Variants in BCL2 observed in about 807,000 individuals in gnomAD.
BCL2 encodes apoptosis regulator Bcl-2.
A neutral mutation model predicts 14.2 loss-of-function variants in BCL2; 1 was observed. The ratio of observed to expected loss-of-function variants is 0.07; its 90% CI spans 0.02 to 0.33. BCL2 has a LOEUF of 0.33. Among genes scored for constraint, BCL2 ranks in the 10% least tolerant of loss-of-function variants. BCL2 has a pLI of 0.99. For synonymous variants in BCL2, 151 were observed against 137.2 expected, an observed-to-expected ratio of 1.10 and a Z score of -0.70; for missense variants, 247 against 305.9, an observed-to-expected ratio of 0.81 and a Z score of 1.44.
chr18:63,156,796 C>T (rs189202522), intron 2 of BCL2, among the ~76,000 whole-genome samples: 3 of 152,222 alleles, frequency 2.0e-5, no homozygotes, highest in African/African-American at 7.2e-5. Context: ...GGGGACTCCA[C>T]ACCCAAAGCC....
chr18:63,163,431 C>T (rs1914971196), intron 2 of BCL2, among the ~76,000 whole-genome samples: 1 of 152,164 alleles, frequency 6.6e-6, no homozygotes, highest in Non-Finnish European at 1.5e-5. Context: ...ATATTTCACT[C>T]CTATTGGCCC....
intron 2 of BCL2, among the ~76,000 whole-genome samples, chr18:63,193,112 G>A (rs1232877017): frequency 6.6e-6 from 1 of 152,188 alleles, no homozygotes; most frequent in Non-Finnish European, 1.5e-5. Flanking sequence ...ACATGTTACT[G>A]TGGTCATCAA....
chr18:63,197,269 A>G (rs1909470347), intron 2 of BCL2, among the ~76,000 whole-genome samples: 1 of 152,180 alleles, frequency 6.6e-6, no homozygotes, highest in East Asian at 1.9e-4. Flanking sequence ...CCACTGACAA[A>G]TCGTTCACTT....
At chr18:63,141,015 G>C (rs1030282619) in intron 2 of BCL2, among the ~76,000 whole-genome samples, 1 of 152,160 alleles carries the variant, frequency 6.6e-6, no homozygotes, top group African/African-American at 2.4e-5. Flanking sequence ...AGTAGGAGGT[G>C]GCATGGTTTG....
At chr18:63,251,957 C>A (rs746979941) in intron 2 of BCL2, among the ~76,000 whole-genome samples, 14 of 152,080 alleles carry the variant, frequency 9.2e-5, no homozygotes, top group Admixed American at 3.3e-4. Context: ...TGTCGACCTC[C>A]CAAAGTGCTG....
chr18:63,312,279 G>A (rs1471440475), intron 2 of BCL2, among the ~76,000 whole-genome samples: 1 of 152,212 alleles, frequency 6.6e-6, no homozygotes, highest in Non-Finnish European at 1.5e-5. Context: ...AGGCAGGTAG[G>A]GGATGGTCAC....
chr18:63,200,113 T>C (rs552841005), intron 2 of BCL2, among the ~76,000 whole-genome samples: 1 of 152,324 alleles, frequency 6.6e-6, no homozygotes, highest in Non-Finnish European at 1.5e-5. Flanking sequence ...CAGGAAGCCC[T>C]CACAGATATG....
intron 1 of BCL2, 86 bp from the exon 2 acceptor site, chr18:63,319,038 A>G: frequency 2.7e-6 from 3 of 1,104,258 alleles, no homozygotes; most frequent in Non-Finnish European, 3.3e-6. Context: ...GGGCATACAC[A>G]CTACAAGTAA....
chr18:63,303,936 T>C lies in BCL2; in HGVS notation c.585+14146A>G, dbSNP rs565390203. Among the ~76,000 whole-genome samples, 56 of 152,340 alleles carry C rather than the reference T, an allele frequency of 3.7e-4. 1 individual carries two copies. The East Asian group carries it at 6.0e-3, about 16-fold the overall frequency. On this transcript the variant is annotated intron_variant, in intron 2 of 2. Coordinates refer to ENST00000333681, the MANE Select transcript of BCL2 (RefSeq NM_000633.3). The stretch of plus-strand genomic sequence containing the variant: ...TTCATATTGTTCATGGTAACTCATT[T>C]TAAACTGATGTAAGGGCTATATTAT...
rs1286750428 is a variant in BCL2 at position 63,149,686 on chromosome 18, AC to A, written c.586-20928del. ...ATTTTCATTTCAGGCCTGAAAAATAACACTGTTATGACAGTGACCGGCAGAT... is the reference window on the plus strand; with the variant it reads ...ATTTTCATTTCAGGCCTGAAAAATAAACTGTTATGACAGTGACCGGCAGAT... On this transcript the variant is annotated intron_variant, in intron 2 of 2. Transcript: ENST00000333681. The surrounding 1 kb of genome is among the most constrained non-coding windows in gnomAD (Gnocchi z 4.2). Among the ~76,000 whole-genome samples, 4 of 152,110 alleles carry A rather than the reference AC, an allele frequency of 2.6e-5. No individual in the cohort carries two copies. The highest frequency in any genetic ancestry group is 5.9e-5 in the Non-Finnish European group (4 of 68,016).
In BCL2 at chr18:63,199,267, ACAC is replaced by A. The variant is rs572082426; in HGVS notation, c.586-70511_586-70509del. Among the ~76,000 whole-genome samples the A allele has an allele frequency of 1.5e-4, 22 of 149,982 alleles. No homozygotes were observed. The East Asian group carries it at 4.4e-3, about 30-fold the overall frequency. On this transcript the variant is annotated intron_variant, in intron 2 of 2. Coordinates refer to ENST00000333681, the MANE Select transcript of BCL2 (RefSeq NM_000633.3). Reference sequence around the variant, plus strand: ...CAGAAACACACAGACAAATGCACACACACAACACACACAGACACATGCACAGAC... The same window carrying A: ...CAGAAACACACAGACAAATGCACACAAACACACACAGACACATGCACAGAC...
At chr18:63,200,320 G>T (rs956462023) in intron 2 of BCL2, among the ~76,000 whole-genome samples, 1 of 152,200 alleles carries the variant, frequency 6.6e-6, no homozygotes, top group Non-Finnish European at 1.5e-5. Flanking sequence ...AACCAAATAT[G>T]AGGTACCATT....
chr18:63,262,600 T>C (rs563779972), intron 2 of BCL2, among the ~76,000 whole-genome samples: 78 of 152,280 alleles, frequency 5.1e-4, no homozygotes, highest in African/African-American at 1.5e-3. Context: ...ATGGTCAGGC[T>C]GGAGGATTGG....
chr18:63,300,473 T>TGG (rs1912934422), intron 2 of BCL2, among the ~76,000 whole-genome samples: 1 of 151,638 alleles, frequency 6.6e-6, no homozygotes, highest in Non-Finnish European at 1.5e-5. Context: ...TCTCTGTGTG[T>TGG]GTGTGTGTGT....
At chr18:63,189,328 C>G (rs745830166) in intron 2 of BCL2, among the ~76,000 whole-genome samples, 14 of 152,114 alleles carry the variant, frequency 9.2e-5, no homozygotes, top group Non-Finnish European at 1.5e-4. Flanking sequence ...GGTCACCATT[C>G]AGCATTTAGC....
chr18:63,223,394 C>T (rs147878665), intron 2 of BCL2, among the ~76,000 whole-genome samples: 1,720 of 86,448 alleles, frequency 0.02, 41 homozygotes, highest in African/African-American at 0.051. Flanking sequence ...AGCAAGACTC[C>T]GTTTCAAAAA....
At chr18:63,294,676 A>G (rs1172027320) in intron 2 of BCL2, among the ~76,000 whole-genome samples, 1 of 151,670 alleles carries the variant, frequency 6.6e-6, no homozygotes, top group Non-Finnish European at 1.5e-5. Flanking sequence ...CCTCAAAAGA[A>G]AAGAAAAAAA....
At chr18:63,194,550 T>C (rs1909390546) in intron 2 of BCL2, among the ~76,000 whole-genome samples, 3 of 152,038 alleles carry the variant, frequency 2.0e-5, no homozygotes, top group Non-Finnish European at 1.5e-5. Context: ...GGCCAGGCTG[T>C]AATAATATAG....
chr18:63,173,802 T>G (rs1915286455), intron 2 of BCL2, among the ~76,000 whole-genome samples: 1 of 152,202 alleles, frequency 6.6e-6, no homozygotes. Flanking sequence ...ATTTGGTATA[T>G]TCTAGACATG....
Sources: allele counts gnomAD v4.1 joint callset (sites outside exome capture counted in the v4.1 genomes callset), GRCh38; gene constraint gnomAD v4.1.1; non-coding constraint Gnocchi (gnomAD v3.1); transcripts MANE v1.5; gene names NCBI Gene and HGNC (gene_info 2026-07-23, HGNC 2026-07-21).